The following KLF12 variants were observed in gnomAD, a reference collection of about 807,000 sequenced individuals.
The protein encoded by KLF12 is KLF transcription factor 12.
In KLF12, 9 loss-of-function variants were observed where a neutral mutation model predicts 37.8. The observed-to-expected ratio is 0.24, with a 90% CI of 0.14 to 0.42. The LOEUF (loss-of-function observed/expected upper bound fraction) is 0.42, where lower values mean the gene tolerates loss of function less well. KLF12 is among the 10% of genes least tolerant of loss of function. The probability of loss-of-function intolerance (pLI) is 1.00; values close to 1 mark genes in which losing one functional copy is unlikely to be tolerated. For synonymous variants in KLF12, 208 were observed against 202.1 expected, an observed-to-expected ratio of 1.03 and a Z score of -0.25; for missense variants, 411 against 516.0, an observed-to-expected ratio of 0.80 and a Z score of 1.97.
chr13:74,188,618 A>G, the KLF12 span, among the ~76,000 whole-genome samples: 1 of 152,166 alleles, frequency 6.6e-6, no homozygotes, highest in Admixed American at 6.5e-5. Flanking sequence ...CCATTTATTT[A>G]TGGTAAAGTT....
At chr13:73,865,650 A>C (rs547834170) in intron 3 of KLF12, among the ~76,000 whole-genome samples, 29 of 152,316 alleles carry the variant, frequency 1.9e-4, no homozygotes, top group African/African-American at 6.3e-4. Flanking sequence ...GATAAGAACA[A>C]ACTAAAAGGA....
At chr13:73,806,325 A>T (rs1409407347) in intron 5 of KLF12, among the ~76,000 whole-genome samples, 1 of 151,518 alleles carries the variant, frequency 6.6e-6, no homozygotes, top group Non-Finnish European at 1.5e-5. Context: ...GCTGGTTTCA[A>T]ACTCCTGACC....
At chr13:74,165,368 T>C in the KLF12 span, among the ~76,000 whole-genome samples, 3 of 150,956 alleles carry the variant, frequency 2.0e-5, no homozygotes, top group Non-Finnish European at 3.0e-5. Flanking sequence ...TAGCGCAATC[T>C]TGACTCACTG....
chr13:73,954,921 T>C (rs1890782547), intron 2 of KLF12, among the ~76,000 whole-genome samples: 1 of 152,228 alleles, frequency 6.6e-6, no homozygotes, highest in African/African-American at 2.4e-5. Flanking sequence ...AAGAATTCTG[T>C]ACACTTTCAT....
intron 4 of KLF12, among the ~76,000 whole-genome samples, chr13:73,829,054 C>T (rs1037633296): frequency 1.3e-5 from 2 of 152,142 alleles, no homozygotes; most frequent in African/African-American, 2.4e-5. Context: ...CTTTGCAATC[C>T]ACCTCTGTGA....
rs569926340 is a variant in KLF12, at chr13:73,901,923, TGAACTTCCCTGAA to T, written c.123+42045_123+42057del. ...AAAGGTTGTTTTTAAAAGAATCAGA[TGAACTTCCCTGAA>T]GCATACAAATGGCTTAAAACTACAA... On this transcript the variant is annotated intron_variant, in intron 3 of 7. Transcript: ENST00000377669. Among the ~76,000 whole-genome samples, 104 of 152,324 alleles carry T rather than the reference TGAACTTCCCTGAA, an allele frequency of 6.8e-4. 2 individuals carry two copies. The South Asian group carries it at 0.02, about 29-fold the overall frequency.
chr13:73,699,609 C>T lies in KLF12; in HGVS notation c.1028-3938G>A, dbSNP rs187498959. Among the ~76,000 whole-genome samples the T allele has an allele frequency of 1.1e-4, 16 of 152,180 alleles. No homozygotes were observed. In the East Asian group the frequency reaches 3.1e-3, roughly 29 times the overall value. ...TAAGGATTCTACATTACGATGGTGC[C>T]CCACCTCACCTCCAGCTCCTTTAAA... On this transcript the variant is annotated intron_variant, in intron 7 of 7. Coordinates refer to ENST00000377669, the MANE Select transcript of KLF12 (RefSeq NM_007249.5).
chr13:74,124,168 G>A (rs890887188), intron 1 of KLF12, among the ~76,000 whole-genome samples: 6 of 152,022 alleles, frequency 3.9e-5, no homozygotes, highest in Non-Finnish European at 7.4e-5. Context: ...GCTTTTAATC[G>A]ACTCATTGAG....
rs376230994 is a variant in KLF12 at position 73,696,076 on chromosome 13, C to T, written c.1028-405G>A. On this transcript the variant is annotated intron_variant, in intron 7 of 7. Transcript: ENST00000377669. ...TATGCCTTGTTTCAACACCCCCCCA[C>T]GCTTCCCCCTACCAACTGTGCATCA... Among the ~76,000 whole-genome samples, 55 of 148,044 alleles carry T rather than the reference C, an allele frequency of 3.7e-4. No homozygotes were observed. The South Asian group carries it at 3.9e-3, about 10-fold the overall frequency.
At chr13:73,949,546 G>C (rs79067018) in intron 2 of KLF12, among the ~76,000 whole-genome samples, 3,751 of 152,202 alleles carry the variant, frequency 0.025, 63 homozygotes, top group Middle Eastern at 0.065. Context: ...TTGCTACCCA[G>C]CTTTTAAAAA....
intron 3 of KLF12, among the ~76,000 whole-genome samples, chr13:73,921,347 T>G (rs1889108612): frequency 6.6e-6 from 1 of 152,146 alleles, no homozygotes; most frequent in South Asian, 2.1e-4. Flanking sequence ...TAGAGTTCCT[T>G]TCACCCTTAC....
intron 1 of KLF12, among the ~76,000 whole-genome samples, chr13:74,031,282 C>A (rs955156098): frequency 2.0e-5 from 3 of 152,116 alleles, no homozygotes; most frequent in African/African-American, 4.8e-5. Flanking sequence ...TGGATGGCTT[C>A]ATAAATTAGA....
At chr13:73,778,446 A>C (rs1270345870) in intron 5 of KLF12, among the ~76,000 whole-genome samples, 4 of 151,968 alleles carry the variant, frequency 2.6e-5, no homozygotes, top group African/African-American at 9.7e-5. Context: ...TGCAGCCTTG[A>C]CCTCTTAGGC....
At chr13:74,142,830 TAA>T in the KLF12 span, among the ~76,000 whole-genome samples, 1 of 152,232 alleles carries the variant, frequency 6.6e-6, no homozygotes, top group Non-Finnish European at 1.5e-5. Flanking sequence ...TGTACTCAGT[TAA>T]TTTAATTTGT....
At chr13:73,717,769 G>T (rs1356613373) in intron 6 of KLF12, among the ~76,000 whole-genome samples, 1 of 152,156 alleles carries the variant, frequency 6.6e-6, no homozygotes, top group African/African-American at 2.4e-5. Flanking sequence ...ATCGTGAAAG[G>T]AGTCAAAACA....
chr13:74,197,756 C>T, the KLF12 span, among the ~76,000 whole-genome samples: 1 of 152,260 alleles, frequency 6.6e-6, no homozygotes, highest in Admixed American at 6.5e-5. Flanking sequence ...CTATTTTTAT[C>T]ACCCAGATGT....
intron 1 of KLF12, among the ~76,000 whole-genome samples, chr13:74,101,830 C>A (rs1046229109): frequency 6.6e-6 from 1 of 152,066 alleles, no homozygotes; most frequent in African/African-American, 2.4e-5. Flanking sequence ...TTCCATAAAG[C>A]AGATTACCAG....
At chr13:74,210,648 T>G in the KLF12 span, among the ~76,000 whole-genome samples, 396 of 152,326 alleles carry the variant, frequency 2.6e-3, 3 homozygotes, top group African/African-American at 8.6e-3. Context: ...GAGCATTTTC[T>G]AAATTAGGAA....
chr13:73,858,888 A>G (rs1485531857), intron 3 of KLF12, among the ~76,000 whole-genome samples: 1 of 152,250 alleles, frequency 6.6e-6, no homozygotes, highest in African/African-American at 2.4e-5. Context: ...GCATAAACTG[A>G]AAAAGTAAAT....
Sources: gnomAD v4.1 joint callset for allele counts (sites outside exome capture counted in the v4.1 genomes callset) on GRCh38, gnomAD v4.1.1 for gene constraint, MANE v1.5 for transcripts, NCBI Gene and HGNC (gene_info 2026-07-23, HGNC 2026-07-21) for gene names.